The following NUDT22 variants were observed in gnomAD, a reference collection of about 807,000 sequenced individuals.
NUDT22 encodes the protein uridine diphosphate glucose pyrophosphatase NUDT22.
In NUDT22, 23 loss-of-function variants were observed where a neutral mutation model predicts 28.8. The ratio of observed to expected loss-of-function variants is 0.80; its 90% confidence interval spans 0.58 to 1.13. NUDT22 has a LOEUF of 1.13. Ranked by LOEUF, NUDT22 falls within the 50% of genes most tolerant of loss-of-function variation. The probability of loss-of-function intolerance (pLI) is 0.00; values close to 1 mark genes in which losing one functional copy is unlikely to be tolerated. For missense variants in NUDT22, 358 were observed against 387.3 expected, an observed-to-expected ratio of 0.92 and a Z score of 0.64; for synonymous variants, 175 against 173.7, an observed-to-expected ratio of 1.01 and a Z score of -0.06.
In NUDT22 at chr11:64,227,147, T is replaced by C. The variant is rs1195588674; in HGVS notation, c.480+15T>C. The C allele has an allele frequency of 6.3e-7, 1 of 1,576,304 alleles. No individual in the cohort carries two copies. The highest frequency in any genetic ancestry group is 8.6e-7 in the Non-Finnish European group (1 of 1,166,994). The stretch of plus-strand genomic sequence containing the variant: ...CTGAGCCTCAGGTGAGATTCCAGGC[T>C]GGGCACAAAGACCCAGACAGCTCAA... On this transcript the variant is annotated intron_variant, in intron 2 of 5. Transcript: ENST00000279206.
In NUDT22 at chr11:64,227,633, C is replaced by T. The variant is rs1381067283; in HGVS notation, c.546C>T (p.Leu182=). The change falls in exon 3 of 6, where the codon CTC becomes CTT. Residue 182 remains leucine (L), a synonymous_variant. Coordinates refer to ENST00000279206, the MANE Select transcript of NUDT22 (RefSeq NM_032344.4). ...DLAGQLVVHE[L]FSSVLQEICD... ...CTGGGCAGCTGGTGGTACATGAACT[C>T]TTTTCCAGTGTCCTTCAGGAGATCT... 6.2e-7 allele frequency: 1 copy of T among 1,614,004 alleles called. No homozygotes were observed. Among genetic ancestry groups the T allele is most frequent in the Non-Finnish European group, 8.5e-7 (1 of 1,180,012 alleles).
Position 64,229,253 on chromosome 11 carries a change from C to G in NUDT22, c.586C>G (p.Leu196Val). 1 of 1,575,456 alleles carries G rather than the reference C, an allele frequency of 6.3e-7. No homozygotes were observed. Residue 196 changes from leucine (L) to valine (V), a missense_variant, in exon 4 of 6, where the codon CTG (leucine) becomes GTG (valine). Leu to Val is a conservative substitution (Grantham distance 32). Transcript: ENST00000279206. ...VLQEICDEVN[L>V]PLLTLSQPLL... ...ACCCCACCCTCCACCGCAGGTGAAC[C>G]TGCCGCTGCTCACCCTGAGCCAGCC...
chr11:64,229,050 G>A (rs573445958), intron 3 of NUDT22, 197 bp from the exon 4 acceptor site: 6 of 554,674 alleles, frequency 1.1e-5, no homozygotes, highest in South Asian at 2.4e-5. Flanking sequence ...CTTGGGCAAC[G>A]TGTTCAATCT....
In NUDT22 at chr11:64,229,912, C is replaced by T. The variant is rs771316172; in HGVS notation, c.834C>T (p.Ala278=). The change falls in exon 6 of 6, where the codon GCC becomes GCT. Residue 278 remains alanine, a synonymous_variant. Coordinates refer to ENST00000279206, the MANE Select transcript of NUDT22 (RefSeq NM_032344.4). ...AACTCTGCCCCTCGGCCAAAGGCGCCATCATCCTCTACAACCGGGTTCAGG... is the reference window on the plus strand; with the variant it reads ...AACTCTGCCCCTCGGCCAAAGGCGCTATCATCCTCTACAACCGGGTTCAGG... ...WAELCPSAKG[A]IILYNRVQGS... 3 of 1,612,680 alleles carry T rather than the reference C, an allele frequency of 1.9e-6. No individual in the cohort carries two copies. In the Admixed American group the frequency reaches 5.0e-5, roughly 27 times the overall value.
At chr11:64,227,888 T>C (rs1396526392) in intron 3 of NUDT22, 3 of 503,002 alleles carry the variant, frequency 6.0e-6, no homozygotes, top group Non-Finnish European at 1.1e-5. Flanking sequence ...TTTTTTTTTT[T>C]AGACAGAGTC....
Position 64,226,348 on chromosome 11 carries a change from G to A in NUDT22, c.-98G>A, listed in dbSNP as rs956324847. Reference sequence around the variant, plus strand: ...TTCCGGGCCCTGGAAAGGGGTCCCCGCGCGCCCCGGGTCGGAGGCAGACCC... The same window carrying A: ...TTCCGGGCCCTGGAAAGGGGTCCCCACGCGCCCCGGGTCGGAGGCAGACCC... On this transcript the variant is annotated 5_prime_UTR_variant, in exon 1 of 6. Coordinates refer to ENST00000279206, the MANE Select transcript of NUDT22 (RefSeq NM_032344.4). 6.5e-6 allele frequency: 8 copies of A among 1,226,452 alleles called. No individual in the cohort carries two copies. The African/African-American group carries it at 1.1e-4, about 17-fold the overall frequency. 76.0% of individuals were successfully genotyped at this position (1,226,452 alleles called of 1,614,324 possible). A position where few individuals can be genotyped will look rare whatever the true frequency, so the allele number is the denominator to read the frequency against.
At chr11:64,226,508 A>G in intron 1 of NUDT22, 81 bp downstream of exon 1, 1 of 1,473,314 alleles carries the variant, frequency 6.8e-7, no homozygotes, top group Non-Finnish European at 8.9e-7. Context: ...CTGCCCAAGG[A>G]GTGGTCAGGG....
At chr11:64,230,244 G>A (rs1947153420), downstream of NUDT22, 2 of 649,546 alleles carry the variant, frequency 3.1e-6, no homozygotes, top group Admixed American at 2.1e-5. Flanking sequence ...GAGCAACAGC[G>A]GAACGGAGAC....
chr11:64,229,615 C>A (rs1424642042), intron 5 of NUDT22, 44 bp downstream of exon 5: 6 of 1,536,304 alleles, frequency 3.9e-6, no homozygotes, highest in Non-Finnish European at 5.4e-6. Context: ...AGGGCTGGGG[C>A]CTGCAGAGGC....
rs1405774849 is a variant in NUDT22, at chr11:64,226,725, C to G, written c.73C>G (p.Leu25Val). Reference sequence around the variant, plus strand: ...GCCCCAGGAGCAGATACAGGCCGAGCTGAGCCCCGCCCATGACCGTCGCCC... The same window carrying G: ...GCCCCAGGAGCAGATACAGGCCGAGGTGAGCCCCGCCCATGACCGTCGCCC... ...GLPQEQIQAE[L>V]SPAHDRRPLP... Residue 25 changes from leucine to valine, a missense_variant, in exon 2 of 6, where the codon CTG (leucine) becomes GTG (valine). Coordinates refer to ENST00000279206, the MANE Select transcript of NUDT22 (RefSeq NM_032344.4). 3 of 1,610,354 alleles carry G rather than the reference C, an allele frequency of 1.9e-6. No homozygotes were observed. Among genetic ancestry groups the G allele is most frequent in the African/African-American group, 2.7e-5 (2 of 74,930 alleles).
chr11:64,227,069 C>T lies in NUDT22; in HGVS notation c.417C>T (p.Arg139=), dbSNP rs538222499. Residue 139 remains arginine (R), a synonymous_variant, in exon 2 of 6, where the codon CGC becomes CGT. Coordinates refer to ENST00000279206, the MANE Select transcript of NUDT22 (RefSeq NM_032344.4). ...TADDFLVFLR[R]SRQVAEAPGL... ...ATGACTTCCTTGTCTTCCTGCGCCGCTCCCGGCAGGTGGCTGAGGCCCCTG... is the reference window on the plus strand; with the variant it reads ...ATGACTTCCTTGTCTTCCTGCGCCGTTCCCGGCAGGTGGCTGAGGCCCCTG... 1.9e-6 allele frequency: 3 copies of T among 1,601,656 alleles called. No individual in the cohort carries two copies. Among genetic ancestry groups the T allele is most frequent in the East Asian group, 2.2e-5 (1 of 44,640 alleles).
chr11:64,229,598 G>A (rs749431684), intron 5 of NUDT22, 27 bp downstream of exon 5: 2 of 1,602,688 alleles, frequency 1.2e-6, no homozygotes, highest in Non-Finnish European at 1.7e-6. Flanking sequence ...CATCTTGCTT[G>A]GAGGCCAGGG....
At chr11:64,230,223 G>A (rs1463949409), downstream of NUDT22, 1 of 671,168 alleles carries the variant, frequency 1.5e-6, no homozygotes, top group Non-Finnish European at 2.7e-6. Flanking sequence ...GATATACCTC[G>A]CTGCAGAGGG....
rs753750577 is a variant in NUDT22, at chr11:64,227,100, G to T, written c.448G>T (p.Val150Leu). 6.3e-7 allele frequency: 1 copy of T among 1,595,914 alleles called. No homozygotes were observed. Among genetic ancestry groups the T allele is most frequent in the African/African-American group, 1.3e-5 (1 of 74,808 alleles). Reference protein sequence around the residue: ...SRQVAEAPGLVDVPGGHPEPQ... With the variant: ...SRQVAEAPGLLDVPGGHPEPQ... ...GCAGGTGGCTGAGGCCCCTGGGCTG[G>T]TGGACGTACCTGGTGGGCACCCTGA... is the stretch of plus-strand genomic sequence containing the variant. Residue 150 changes from valine to leucine, a missense_variant, in exon 2 of 6, where the codon GTG (valine) becomes TTG (leucine). Coordinates refer to ENST00000279206, the MANE Select transcript of NUDT22 (RefSeq NM_032344.4).
At chr11:64,227,375 C>T (rs555113919) in intron 2 of NUDT22, 193 bp from the exon 3 acceptor site, 20 of 724,662 alleles carry the variant, frequency 2.8e-5, no homozygotes, top group African/African-American at 5.2e-5. Context: ...TACTCCACCC[C>T]TGCCCCCTGT....
Position 64,226,894 on chromosome 11 carries a change from G to T in NUDT22, c.242G>T (p.Arg81Leu), listed in dbSNP as rs1228944733. 2 of 1,603,810 alleles carry T rather than the reference G, an allele frequency of 1.2e-6. No homozygotes were observed. Among genetic ancestry groups the T allele is most frequent in the East Asian group, 2.2e-5 (1 of 44,884 alleles). Reference sequence around the variant, plus strand: ...TCTCGGGGGCCACAGCTGCTCCTGCGCCTGGGCCTTACTTCCTACCGAGAC... The same window carrying T: ...TCTCGGGGGCCACAGCTGCTCCTGCTCCTGGGCCTTACTTCCTACCGAGAC... The part of the protein sequence containing the change: ...IGSRGPQLLL[R>L]LGLTSYRDFL... Residue 81 changes from arginine (R) to leucine (L), a missense_variant, in exon 2 of 6, where the codon CGC becomes CTC. Arg to Leu is a moderately radical substitution (Grantham distance 102). Coordinates refer to ENST00000279206, the MANE Select transcript of NUDT22 (RefSeq NM_032344.4).
chr11:64,227,875 CT>C (rs1156407258), intron 3 of NUDT22: 68,994 of 419,552 alleles, frequency 0.16, 1 homozygote, highest in South Asian at 0.25. Context: ...TTTTTTCTTT[CT>C]TTTTTTTTTT....
In NUDT22 at chr11:64,226,836, C is replaced by G; in HGVS notation, c.184C>G (p.Arg62Gly). Reference sequence around the variant, plus strand: ...CTGGCTCTTCGACGCCCCCAAGTTCCGCCTGCACTCAGCCACCCTGGCGCC... The same window carrying G: ...CTGGCTCTTCGACGCCCCCAAGTTCGGCCTGCACTCAGCCACCCTGGCGCC... ...QPWLFDAPKFRLHSATLAPIG... is the reference protein window; with the variant it reads ...QPWLFDAPKFGLHSATLAPIG... The change falls in exon 2 of 6, where the codon CGC becomes GGC. Residue 62 changes from arginine to glycine, a missense_variant. Arg to Gly is a moderately radical substitution (Grantham distance 125). Coordinates refer to ENST00000279206, the MANE Select transcript of NUDT22 (RefSeq NM_032344.4). 1.2e-6 allele frequency: 2 copies of G among 1,609,066 alleles called. No homozygotes were observed. The highest frequency in any genetic ancestry group is 1.7e-6 in the Non-Finnish European group (2 of 1,179,952).
In NUDT22 at chr11:64,226,426, T is replaced by C. The variant is rs1313241994; in HGVS notation, c.-20T>C. ...GGCGCCTGAACCCAAGACCTCTGGATGGTAGGGATGCCCGGGCGTCCTGGA... is the reference window on the plus strand; with the variant it reads ...GGCGCCTGAACCCAAGACCTCTGGACGGTAGGGATGCCCGGGCGTCCTGGA... On this transcript the variant is annotated splice_region_variant and 5_prime_UTR_variant, in exon 1 of 6. An upstream start codon of the reference 5' UTR is lost. Coordinates refer to ENST00000279206, the MANE Select transcript of NUDT22 (RefSeq NM_032344.4). 2 of 1,376,358 alleles carry C rather than the reference T, an allele frequency of 1.5e-6. No homozygotes were observed. The highest frequency in any genetic ancestry group is 1.9e-6 in the Non-Finnish European group (2 of 1,071,618). 85.3% of individuals were successfully genotyped at this position (1,376,358 alleles called of 1,614,324 possible). A position where few individuals can be genotyped will look rare whatever the true frequency, so the allele number is the denominator to read the frequency against.
Sources: allele counts gnomAD v4.1 joint callset, GRCh38; gene constraint gnomAD v4.1.1; transcripts MANE v1.5; gene names NCBI Gene and HGNC (gene_info 2026-07-23, HGNC 2026-07-21).